The following SMAD6 variants were observed in gnomAD, a reference collection of about 807,000 sequenced individuals.
SMAD6 encodes MAD homolog 6.
SMAD6 carries 103 observed loss-of-function variants against 39.4 expected under a neutral mutation model. That is an observed-to-expected ratio of 2.62 (90% CI 2.23 to 3.08). The LOEUF (loss-of-function observed/expected upper bound fraction) is 3.08. Ranked by LOEUF, SMAD6 falls within the 30% of genes most tolerant of loss-of-function variation. SMAD6 has a pLI of 0.00. For missense variants in SMAD6, 1,104 were observed against 742.9 expected (o/e 1.49, Z -5.65); for synonymous variants, 445 against 353.3 (o/e 1.26, Z -2.91).
At chr15:66,730,132 T>G (rs11853853) in intron 3 of SMAD6, among the ~76,000 whole-genome samples, 81,599 of 151,954 alleles carry the variant, frequency 0.54, 22,039 homozygotes, top group East Asian at 0.73. Flanking sequence ...CTGTTTTCAC[T>G]CCTGCACCTC....
Position 66,703,941 on chromosome 15 carries a change from G to A in SMAD6, c.683G>A (p.Arg228His), listed in dbSNP as rs1439907263. Reference protein sequence around the residue: ...QPAPPQLLLGRLFRWPDLQHA... With the variant: ...QPAPPQLLLGHLFRWPDLQHA... ...GCGCCGCCGCAGCTGCTGCTCGGCC[G>A]CCTCTTTCGCTGGCCCGACCTGCAG... Residue 228 changes from arginine (R) to histidine (H), a missense_variant, in exon 1 of 4, where the codon CGC (arginine) becomes CAC (histidine). Arg to His is a conservative substitution (Grantham distance 29). Coordinates refer to ENST00000288840, the MANE Select transcript of SMAD6 (RefSeq NM_005585.5). 9 of 1,382,866 alleles carry A rather than the reference G, an allele frequency of 6.5e-6. No individual in the cohort carries two copies. The highest frequency in any genetic ancestry group is 1.6e-5 in the South Asian group (1 of 61,502). 85.7% of individuals were successfully genotyped at this position (1,382,866 alleles called of 1,614,324 possible). A position where few individuals can be genotyped will look rare whatever the true frequency, so the allele number is the denominator to read the frequency against.
At chr15:66,772,264 T>C (rs1358990261) in intron 3 of SMAD6, among the ~76,000 whole-genome samples, 1 of 152,110 alleles carries the variant, frequency 6.6e-6, no homozygotes, top group Non-Finnish European at 1.5e-5. Flanking sequence ...GGCTGAGAGG[T>C]TGGGGTATGT....
intron 3 of SMAD6, among the ~76,000 whole-genome samples, chr15:66,761,401 G>A (rs566092638): frequency 1.3e-5 from 2 of 152,348 alleles, no homozygotes; most frequent in Admixed American, 6.5e-5. Context: ...TCCTTTGCCT[G>A]AGAGTTGGTG....
intron 3 of SMAD6, among the ~76,000 whole-genome samples, chr15:66,774,645 T>C (rs1405103419): frequency 6.6e-6 from 1 of 152,112 alleles, no homozygotes; most frequent in Non-Finnish European, 1.5e-5. Context: ...TCTTTTTAAT[T>C]TTTTCAAGGT....
At chr15:66,762,661 C>T (rs1894221003) in intron 3 of SMAD6, among the ~76,000 whole-genome samples, 1 of 151,998 alleles carries the variant, frequency 6.6e-6, no homozygotes, top group Admixed American at 6.5e-5. Flanking sequence ...AGAGTAAACG[C>T]CATGAGAGGA....
chr15:66,761,282 G>T (rs1567110465), intron 3 of SMAD6, among the ~76,000 whole-genome samples: 1 of 152,160 alleles, frequency 6.6e-6, no homozygotes, highest in Non-Finnish European at 1.5e-5. Flanking sequence ...AAGGGGTTGC[G>T]AACGGGTGTG....
chr15:66,772,191 C>T (rs145345770), intron 3 of SMAD6, among the ~76,000 whole-genome samples: 1 of 152,304 alleles, frequency 6.6e-6, no homozygotes, highest in Non-Finnish European at 1.5e-5. Flanking sequence ...AGGAGTAATG[C>T]AAAGAGTCCA....
chr15:66,751,175 G>A (rs893567488), intron 3 of SMAD6, among the ~76,000 whole-genome samples: 8 of 152,288 alleles, frequency 5.3e-5, no homozygotes, highest in Middle Eastern at 3.4e-3. Flanking sequence ...TATTCTGCAG[G>A]AAGTCAGAGG....
intron 2 of SMAD6, among the ~76,000 whole-genome samples, chr15:66,715,414 G>A (rs1169200318): frequency 1.3e-5 from 2 of 152,166 alleles, no homozygotes; most frequent in South Asian, 2.1e-4. Flanking sequence ...CTGGGCAAAC[G>A]GTTTTATCCC....
rs1279828852 is a variant in SMAD6 at position 66,703,840 on chromosome 15, G to T, written c.582G>T (p.Ala194=). ...KERSLDTLLE[A]VESRGGVPGG... Reference sequence around the variant, plus strand: ...GCTCGCTGGACACGCTGCTGGAGGCGGTGGAGTCCCGCGGCGGCGTGCCGG... The same window carrying T: ...GCTCGCTGGACACGCTGCTGGAGGCTGTGGAGTCCCGCGGCGGCGTGCCGG... The change falls in exon 1 of 4, where the codon GCG becomes GCT. Residue 194 remains alanine (A), a synonymous_variant. Coordinates refer to ENST00000288840, the MANE Select transcript of SMAD6 (RefSeq NM_005585.5). 7.2e-7 allele frequency: 1 copy of T among 1,387,076 alleles called. No individual in the cohort carries two copies. 85.9% of individuals were successfully genotyped at this position (1,387,076 alleles called of 1,614,324 possible).
intron 3 of SMAD6, among the ~76,000 whole-genome samples, chr15:66,756,473 G>A (rs1297302608): frequency 6.6e-6 from 1 of 152,178 alleles, no homozygotes; most frequent in Non-Finnish European, 1.5e-5. Flanking sequence ...TGCAAAATAT[G>A]TGAACTGTAC....
Position 66,703,870 on chromosome 15 carries a change from C to A in SMAD6, c.612C>A (p.Gly204=). The change falls in exon 1 of 4, where the codon GGC becomes GGA. Residue 204 remains glycine, a synonymous_variant. Transcript: ENST00000288840. ...AVESRGGVPG[G]CVLVPRADLR... is the part of the protein sequence containing the mutation. ...AGTCCCGCGGCGGCGTGCCGGGCGG[C>A]TGCGTGCTGGTGCCGCGCGCCGACC... is the stretch of plus-strand genomic sequence containing the variant. 7.5e-7 allele frequency: 1 copy of A among 1,338,512 alleles called. No homozygotes were observed. The highest frequency in any genetic ancestry group is 9.6e-7 in the Non-Finnish European group (1 of 1,037,336). The allele number at this position is 1,338,512 out of a possible 1,614,324, so 82.9% of individuals were successfully genotyped here.
chr15:66,733,257 A>G (rs1032527073), intron 3 of SMAD6, among the ~76,000 whole-genome samples: 4 of 151,976 alleles, frequency 2.6e-5, no homozygotes, highest in Admixed American at 2.0e-4. Context: ...GTCTTTTTCA[A>G]AGTTGTTTTG....
chr15:66,745,143 G>T (rs1893885145), intron 3 of SMAD6, among the ~76,000 whole-genome samples: 1 of 152,132 alleles, frequency 6.6e-6, no homozygotes, highest in South Asian at 2.1e-4. Flanking sequence ...CACCCCCAGG[G>T]GGTATGGAAA....
intron 3 of SMAD6, among the ~76,000 whole-genome samples, chr15:66,732,614 G>A (rs762007746): frequency 3.3e-5 from 5 of 152,038 alleles, no homozygotes; most frequent in African/African-American, 9.7e-5. Flanking sequence ...CTCCTGTCTT[G>A]GCCTCCCATG....
At chr15:66,748,371 T>G (rs367970553) in intron 3 of SMAD6, among the ~76,000 whole-genome samples, 20 of 152,308 alleles carry the variant, frequency 1.3e-4, no homozygotes, top group African/African-American at 4.8e-4. Context: ...TAGTCCGGGA[T>G]TATTAATAGA....
At chr15:66,746,354 T>C (rs1198886823) in intron 3 of SMAD6, among the ~76,000 whole-genome samples, 2 of 152,224 alleles carry the variant, frequency 1.3e-5, no homozygotes, top group East Asian at 3.9e-4. Flanking sequence ...GTGGGACGTG[T>C]GGGCTGGGAC....
chr15:66,703,479 A>T lies in SMAD6; in HGVS notation c.221A>T (p.Gln74Leu). The change falls in exon 1 of 4, where the codon CAG (glutamine) becomes CTG (leucine). Residue 74 changes from glutamine to leucine, a missense_variant. Coordinates refer to ENST00000288840, the MANE Select transcript of SMAD6 (RefSeq NM_005585.5). ...APRRPRDAVGQRGAQGAGRRR... is the reference protein window; with the variant it reads ...APRRPRDAVGLRGAQGAGRRR... Reference sequence around the variant, plus strand: ...CGGCGGCCCCGGGACGCAGTGGGACAGCGAGGCGCCCAGGGCGCGGGGAGG... The same window carrying T: ...CGGCGGCCCCGGGACGCAGTGGGACTGCGAGGCGCCCAGGGCGCGGGGAGG... 1 of 1,239,032 alleles carries T rather than the reference A, an allele frequency of 8.1e-7. No individual in the cohort carries two copies. The allele number at this position is 1,239,032 out of a possible 1,614,324, so 76.8% of individuals were successfully genotyped here.
intron 3 of SMAD6, among the ~76,000 whole-genome samples, chr15:66,728,823 A>C (rs1893570361): frequency 6.6e-6 from 1 of 152,210 alleles, no homozygotes; most frequent in South Asian, 2.1e-4. Flanking sequence ...GATGGTTTCC[A>C]GTTATTGATA....
Sources: allele counts gnomAD v4.1 joint callset (sites outside exome capture counted in the v4.1 genomes callset), GRCh38; gene constraint gnomAD v4.1.1; transcripts MANE v1.5; gene names NCBI Gene and HGNC (gene_info 2026-07-23, HGNC 2026-07-21).